Variants in PHF24 observed in about 807,000 individuals in gnomAD.
PHF24 encodes the protein PHD finger protein 24.
PHF24 carries 25 observed loss-of-function variants against 42.6 expected under a neutral mutation model. The observed-to-expected ratio is 0.59, with a 90% CI of 0.43 to 0.82. The LOEUF (loss-of-function observed/expected upper bound fraction) is 0.82, where lower values mean the gene tolerates loss of function less well. PHF24 is among the 40% of genes least tolerant of loss of function. PHF24 has a pLI of 0.00. For missense variants in PHF24, 470 were observed against 538.1 expected, an observed-to-expected ratio of 0.87 and a Z score of 1.25; for synonymous variants, 185 against 204.8, an observed-to-expected ratio of 0.90 and a Z score of 0.83.
chr9:34,725,274 G>A, the PHF24 span: 4 of 1,350,456 alleles, frequency 3.0e-6, no homozygotes, highest in South Asian at 2.5e-5. Context: ...GCCGCAATGG[G>A]TGACAGCACA....
the PHF24 span, among the ~76,000 whole-genome samples, chr9:34,805,692 A>C: frequency 6.6e-6 from 1 of 152,166 alleles, no homozygotes; most frequent in African/African-American, 2.4e-5. Flanking sequence ...TTTGATGTGC[A>C]AAAGTTTTTA....
chr9:34,716,780 A>AT, the PHF24 span, among the ~76,000 whole-genome samples: 16 of 151,592 alleles, frequency 1.1e-4, no homozygotes, highest in Admixed American at 2.0e-4. Flanking sequence ...ACTTTTGTAC[A>AT]TTTTTTTTGT....
At chr9:34,667,882 G>T in the PHF24 span, among the ~76,000 whole-genome samples, 8 of 152,168 alleles carry the variant, frequency 5.3e-5, no homozygotes, top group Admixed American at 1.3e-4. Context: ...ACCTGTTTTA[G>T]GGGCTTCCTT....
the PHF24 span, among the ~76,000 whole-genome samples, chr9:34,680,540 T>C: frequency 6.7e-6 from 1 of 148,906 alleles, no homozygotes; most frequent in Non-Finnish European, 1.5e-5. Flanking sequence ...TACAAAAAAT[T>C]AGCCGGGCGT....
chr9:34,723,953 G>A, the PHF24 span: 1 of 1,551,298 alleles, frequency 6.4e-7, no homozygotes, highest in Non-Finnish European at 8.7e-7. Context: ...CCATCGCCAG[G>A]ACCCTCGGGG....
At chr9:34,796,358 GA>G in the PHF24 span, among the ~76,000 whole-genome samples, 15 of 148,396 alleles carry the variant, frequency 1.0e-4, no homozygotes, top group East Asian at 2.0e-4. Context: ...TGGTCCCTAA[GA>G]AAAAAAAATT....
chr9:34,874,055 G>C, the PHF24 span, among the ~76,000 whole-genome samples: 1 of 152,070 alleles, frequency 6.6e-6, no homozygotes, highest in Non-Finnish European at 1.5e-5. Context: ...TGTATCCTGA[G>C]ACTTTGCTGA....
At chr9:34,695,010 C>T in the PHF24 span, among the ~76,000 whole-genome samples, 1 of 152,126 alleles carries the variant, frequency 6.6e-6, no homozygotes, top group African/African-American at 2.4e-5. Flanking sequence ...GAGATTGTGT[C>T]TTTTGTATGC....
chr9:34,709,465 G>A, the PHF24 span: 2 of 1,613,456 alleles, frequency 1.2e-6, no homozygotes, highest in Non-Finnish European at 1.7e-6. Context: ...GGCTGACTGA[G>A]GCTCCCCTTT....
the PHF24 span, chr9:34,690,424 C>CTGTG: frequency 0.07 from 42,044 of 604,154 alleles, 1,060 homozygotes; most frequent in African/African-American, 0.16. Context: ...TTGAGGACAC[C>CTGTG]TGTGTGTGTG....
chr9:34,795,107 C>T, the PHF24 span, among the ~76,000 whole-genome samples: 1 of 151,968 alleles, frequency 6.6e-6, no homozygotes, highest in Non-Finnish European at 1.5e-5. Context: ...TCATATAGGG[C>T]AACAAGATTT....
chr9:34,976,459 GGGTGCCCTGGAGGTGATGGA>G (rs1346368820), intron 4 of PHF24, 56 bp from the exon 5 acceptor site: 32 of 1,498,466 alleles, frequency 2.1e-5, no homozygotes, highest in Non-Finnish European at 2.6e-5. Flanking sequence ...GGGGCCCCGA[GGGTGCCCTGGAGGTGATGGA>G]GGTGCCCTGA....
the PHF24 span, chr9:34,709,314 C>T: frequency 6.4e-7 from 1 of 1,551,462 alleles, no homozygotes; most frequent in Admixed American, 1.9e-5. Flanking sequence ...TGAGCATAGC[C>T]TCCTTCTTGC....
At chr9:34,940,087 G>A in the PHF24 span, among the ~76,000 whole-genome samples, 4 of 152,306 alleles carry the variant, frequency 2.6e-5, no homozygotes, top group African/African-American at 9.6e-5. Context: ...CACAGAGGGA[G>A]GTGGGGGGAA....
At position 34,977,614 on chromosome 9, in the gene PHF24, C is replaced by A. The variant is rs756468042; in HGVS notation, c.1079C>A (p.Thr360Asn). 216 of 1,604,950 alleles carry A rather than the reference C, an allele frequency of 1.3e-4. No individual in the cohort carries two copies. Among genetic ancestry groups the A allele is most frequent in the Non-Finnish European group, 1.8e-4 (207 of 1,175,404 alleles). Reference sequence around the variant, plus strand: ...AGCAGCAGCAAGAGTCAGGACAAGACCCTGCTGCCCACAGAGCAGGAGTCC... The same window carrying A: ...AGCAGCAGCAAGAGTCAGGACAAGAACCTGCTGCCCACAGAGCAGGAGTCC... The change falls in exon 7 of 8, where the codon ACC becomes AAC. Residue 360 changes from threonine (T) to asparagine (N), a missense_variant. Physicochemically the swap from Thr to Asn is moderately conservative, Grantham distance 65. Coordinates refer to ENST00000242315, the Ensembl canonical transcript of PHF24.
At chr9:34,980,509 C>T (rs1827352027) in exon 8 of PHF24, 1 of 152,334 alleles carries the variant, frequency 6.6e-6, no homozygotes, top group African/African-American at 2.4e-5. Flanking sequence ...CTCTTCTCCA[C>T]AGGCAGTCAT....
rs757000601 is a variant in PHF24, at chr9:34,971,440, G to A, written c.142G>A (p.Val48Ile). The A allele has an allele frequency of 3.1e-6, 5 of 1,614,180 alleles. No individual in the cohort carries two copies. In the South Asian group the frequency reaches 5.5e-5, roughly 18 times the overall value. Residue 48 changes from valine (V) to isoleucine (I), a missense_variant, in exon 2 of 8, where the codon GTA (valine) becomes ATA (isoleucine). Transcript: ENST00000242315. Reference sequence around the variant, plus strand: ...GCTGCCAGGGTCCCGCCGTGGCACTGTAGAGGGCTCCGTCCAGGAGGTACA... The same window carrying A: ...GCTGCCAGGGTCCCGCCGTGGCACTATAGAGGGCTCCGTCCAGGAGGTACA...
At chr9:34,712,807 G>C in the PHF24 span, among the ~76,000 whole-genome samples, 6 of 152,010 alleles carry the variant, frequency 3.9e-5, no homozygotes, top group Non-Finnish European at 8.8e-5. Flanking sequence ...CAACAAAGCA[G>C]TATTTGAGAT....
At chr9:34,936,030 G>A in the PHF24 span, among the ~76,000 whole-genome samples, 2 of 135,542 alleles carry the variant, frequency 1.5e-5, no homozygotes, top group African/African-American at 3.1e-5. Flanking sequence ...TCCCTCTCCC[G>A]CTCCCGCTCC....
Sources: allele counts gnomAD v4.1 joint callset (sites outside exome capture counted in the v4.1 genomes callset), GRCh38; gene constraint gnomAD v4.1.1; transcripts MANE v1.5; gene names NCBI Gene and HGNC (gene_info 2026-07-23, HGNC 2026-07-21).